Variants in TTLL4 observed in about 807,000 individuals in gnomAD.
TTLL4 encodes the protein tubulin monoglutamylase TTLL4.
A neutral mutation model predicts 122.7 loss-of-function variants in TTLL4; 85 were observed. That is an observed-to-expected ratio of 0.69 (90% CI 0.58 to 0.83). The LOEUF (loss-of-function observed/expected upper bound fraction) is 0.83, where lower values mean the gene tolerates loss of function less well. Among genes scored for constraint, TTLL4 ranks in the 40% least tolerant of loss-of-function variants. The pLI, the probability that TTLL4 is intolerant of heterozygous loss-of-function variation, is 0.00. For synonymous variants in TTLL4, 553 were observed against 563.0 expected (o/e 0.98, Z 0.25); for missense variants, 1,363 against 1,488.6 (o/e 0.92, Z 1.39).
rs1206623206 is a variant in TTLL4 at position 218,747,029 on chromosome 2, G to C, written c.2001G>C (p.Gln667His). The C allele has an allele frequency of 3.1e-6, 5 of 1,614,212 alleles. No individual in the cohort carries two copies. In the East Asian group the frequency reaches 8.9e-5, roughly 29 times the overall value. The stretch of plus-strand genomic sequence containing the variant: ...TAAACCATTTCCCAGGCTCATTCCA[G>C]ATTGGGAGGAAGGACCGGCTATGGC... ...QKLNHFPGSF[Q>H]IGRKDRLWRN... The change falls in exon 9 of 20, where the codon CAG becomes CAC. Residue 667 changes from glutamine (Q) to histidine (H), a missense_variant. Transcript: ENST00000392102. This position sits in a 1 kb window ranked among gnomAD's most constrained non-coding sequence, Gnocchi z 4.7.
At chr2:218,729,338 G>C (rs1257523938) in intron 2 of TTLL4, among the ~76,000 whole-genome samples, 1 of 151,912 alleles carries the variant, frequency 6.6e-6, no homozygotes, top group Admixed American at 6.6e-5. Context: ...GGATGCTGCA[G>C]ATGTGGAAGT....
intron 15 of TTLL4, 108 bp from the exon 16 acceptor site, chr2:218,751,596 T>G: frequency 2.8e-6 from 4 of 1,422,078 alleles, no homozygotes; most frequent in Non-Finnish European, 2.8e-6. Flanking sequence ...TCATACATCT[T>G]TGTCTTCTCT....
In TTLL4 at chr2:218,728,950, G is replaced by A. The variant is rs530001263; in HGVS notation, c.-99+1603G>A. On this transcript the variant is annotated intron_variant, in intron 2 of 19. Transcript: ENST00000392102. ...TTTTTTTTTTTTTTTTTGGCGGGGGGGGGCATAGTTTTGTTCTTGTTGCCC... is the reference window on the plus strand; with the variant it reads ...TTTTTTTTTTTTTTTTTGGCGGGGGAGGGCATAGTTTTGTTCTTGTTGCCC... Among the ~76,000 whole-genome samples, 5 of 148,880 alleles carry A rather than the reference G, an allele frequency of 3.4e-5. No individual in the cohort carries two copies. In the East Asian group the frequency reaches 5.9e-4, roughly 18 times the overall value.
chr2:218,739,265 T>A lies in TTLL4; in HGVS notation c.1487+102T>A, dbSNP rs189024439. Reference sequence around the variant, plus strand: ...ACCTCTGAAGGTTGGTTTTATTTTTTAGCTGCCCTAGAATTTTTGGTTTTC... The same window carrying A: ...ACCTCTGAAGGTTGGTTTTATTTTTAAGCTGCCCTAGAATTTTTGGTTTTC... On this transcript the variant is annotated intron_variant, in intron 3 of 19. Coordinates refer to ENST00000392102, the MANE Select transcript of TTLL4 (RefSeq NM_014640.5). 66 of 1,401,456 alleles carry A rather than the reference T, an allele frequency of 4.7e-5. No homozygotes were observed. In the African/African-American group the frequency reaches 8.0e-4, roughly 17 times the overall value. 86.8% of individuals were successfully genotyped at this position (1,401,456 alleles called of 1,614,324 possible). A position where few individuals can be genotyped will look rare whatever the true frequency, so the allele number is the denominator to read the frequency against.
chr2:218,752,758 C>A lies in TTLL4; in HGVS notation c.2977-5C>A. ...CCCTTTTTCTCCCTGTTCCTTGGACCACAGGACTTCTATGCATCTGTGCTG... is the reference window on the plus strand; with the variant it reads ...CCCTTTTTCTCCCTGTTCCTTGGACAACAGGACTTCTATGCATCTGTGCTG... On this transcript the variant is annotated splice_polypyrimidine_tract_variant and splice_region_variant and intron_variant, in intron 16 of 19. Coordinates refer to ENST00000392102, the MANE Select transcript of TTLL4 (RefSeq NM_014640.5). 6.2e-7 allele frequency: 1 copy of A among 1,614,108 alleles called. No individual in the cohort carries two copies. The highest frequency in any genetic ancestry group is 8.5e-7 in the Non-Finnish European group (1 of 1,179,986).
In TTLL4 at chr2:218,745,797, CA is replaced by C; in HGVS notation, c.1897del (p.Arg633GlufsTer13). 4 of 1,612,514 alleles carry C rather than the reference CA, an allele frequency of 2.5e-6. No individual in the cohort carries two copies. The highest frequency in any genetic ancestry group is 3.4e-6 in the Non-Finnish European group (4 of 1,179,206). Reference sequence around the variant, plus strand: ...TTGGACGGTCCCACTTCAAAATCAGCAAAAGTGAGTTGCTTGCCTTACTGTG... The same window carrying C: ...TTGGACGGTCCCACTTCAAAATCAGCAAAGTGAGTTGCTTGCCTTACTGTG... ...TIGRSHFKIS[K>X]RNDDWLGCWG... On this transcript the variant is annotated frameshift_variant, in exon 7 of 20. Coordinates refer to ENST00000392102, the MANE Select transcript of TTLL4 (RefSeq NM_014640.5). LOFTEE classifies it high-confidence loss of function.
intron 1 of TTLL4, among the ~76,000 whole-genome samples, chr2:218,711,853 T>G (rs1941715930): frequency 1.1e-5 from 1 of 91,546 alleles, no homozygotes; most frequent in Admixed American, 1.2e-4. Flanking sequence ...AAATCTTCTT[T>G]GCTTTCTCAG....
At chr2:218,712,092 G>A (rs1382936757) in intron 1 of TTLL4, among the ~76,000 whole-genome samples, 3 of 152,194 alleles carry the variant, frequency 2.0e-5, no homozygotes, top group South Asian at 4.1e-4. Flanking sequence ...GAGGTGGGAG[G>A]ACATTCCAGA....
At position 218,745,771 on chromosome 2, in the gene TTLL4, A is replaced by G. The variant is rs1382818671; in HGVS notation, c.1867A>G (p.Ile623Val). The change falls in exon 7 of 20, where the codon ATT becomes GTT. Residue 623 changes from isoleucine to valine, a missense_variant. Around this residue, in one of 3 missense-constraint regions of TTLL4, gnomAD observed 760 missense variants for 808.4 expected, o/e 0.94. Transcript: ENST00000392102. The part of the protein sequence containing the change: ...TVTPNIVKQT[I>V]GRSHFKISKR... ...GACCCCCAACATTGTCAAGCAGACC[A>G]TTGGACGGTCCCACTTCAAAATCAG... 1 of 1,613,452 alleles carries G rather than the reference A, an allele frequency of 6.2e-7. No homozygotes were observed. The highest frequency in any genetic ancestry group is 1.3e-5 in the African/African-American group (1 of 74,876).
intron 4 of TTLL4, 151 bp from the exon 5 acceptor site, chr2:218,740,370 G>T: frequency 1.1e-6 from 1 of 933,346 alleles, no homozygotes; most frequent in Admixed American, 2.2e-5. Flanking sequence ...CGCTGCTTCT[G>T]TTGAGGAAGG....
At chr2:218,720,559 G>T (rs1398577657) in intron 1 of TTLL4, among the ~76,000 whole-genome samples, 1 of 151,730 alleles carries the variant, frequency 6.6e-6, no homozygotes, top group African/African-American at 2.4e-5. Context: ...CTGTAATCCC[G>T]GCTATTCGGG....
intron 1 of TTLL4, among the ~76,000 whole-genome samples, chr2:218,726,249 C>T (rs549409396): frequency 1.4e-4 from 21 of 152,002 alleles, no homozygotes; most frequent in African/African-American, 3.6e-4. Flanking sequence ...GGATAATTTC[C>T]GAGGAGAATT....
chr2:218,741,558 T>G (rs1393990745), intron 5 of TTLL4, among the ~76,000 whole-genome samples: 1 of 152,130 alleles, frequency 6.6e-6, no homozygotes, highest in Non-Finnish European at 1.5e-5. Flanking sequence ...ACAGAGCTGT[T>G]TGGAAAGTGG....
Position 218,750,127 on chromosome 2 carries a change from T to G in TTLL4, c.2854T>G (p.Cys952Gly), listed in dbSNP as rs201356218. Residue 952 changes from cysteine to glycine, a missense_variant, in exon 15 of 20, where the codon TGC becomes GGC. Cys to Gly is a radical substitution (Grantham distance 159). Around this residue, in one of 3 missense-constraint regions of TTLL4, gnomAD observed 596 missense variants for 655.8 expected, o/e 0.91. Transcript: ENST00000392102. ...AEDIISSPSS[C>G]SSSTTSLPTS... is the part of the protein sequence containing the mutation. Reference sequence around the variant, plus strand: ...GGATATCATTTCCAGCCCCAGCAGCTGCAGCAGCTCCACCACCAGGTGAGG... The same window carrying G: ...GGATATCATTTCCAGCCCCAGCAGCGGCAGCAGCTCCACCACCAGGTGAGG... 3 of 1,613,816 alleles carry G rather than the reference T, an allele frequency of 1.9e-6. No individual in the cohort carries two copies. The highest frequency in any genetic ancestry group is 1.7e-6 in the Non-Finnish European group (2 of 1,179,886).
intron 12 of TTLL4, 165 bp downstream of exon 12, chr2:218,748,392 C>T (rs747371140): frequency 6.1e-6 from 7 of 1,142,226 alleles, no homozygotes; most frequent in Non-Finnish European, 7.1e-6. Context: ...TGGTGGCTCA[C>T]GCCTGTAATC....
chr2:218,747,725 A>G lies in TTLL4; in HGVS notation c.2378A>G (p.Lys793Arg). The G allele has an allele frequency of 2.5e-6, 4 of 1,614,234 alleles. No homozygotes were observed. Among genetic ancestry groups the G allele is most frequent in the Admixed American group, 1.7e-5 (1 of 60,032 alleles). Residue 793 changes from lysine (K) to arginine (R), a missense_variant and splice_region_variant, in exon 11 of 20, where the codon AAG becomes AGG. Coordinates refer to ENST00000392102, the MANE Select transcript of TTLL4 (RefSeq NM_014640.5). This position sits in a 1 kb window ranked among gnomAD's most constrained non-coding sequence, Gnocchi z 4.7. Reference protein sequence around the residue: ...SDGLVRFASCKYSPSMKSLGN... With the variant: ...SDGLVRFASCRYSPSMKSLGN... ...GGACTGGTCCGCTTTGCCAGTTGCA[A>G]GTATGTGACAGTGGTGAGGTATCCT...
intron 1 of TTLL4, among the ~76,000 whole-genome samples, chr2:218,721,088 A>G (rs1237049111): frequency 6.6e-6 from 1 of 152,208 alleles, no homozygotes. Context: ...TGCCCTATGC[A>G]TCATGTATCT....
intron 1 of TTLL4, among the ~76,000 whole-genome samples, chr2:218,726,752 C>T (rs1254547654): frequency 6.6e-6 from 1 of 151,976 alleles, no homozygotes; most frequent in African/African-American, 2.4e-5. Flanking sequence ...TAGGCGTGAG[C>T]CACCACGCCT....
At position 218,754,365 on chromosome 2, in the gene TTLL4, C is replaced by T; in HGVS notation, c.3576C>T (p.Asp1192=). The T allele has an allele frequency of 3.7e-6, 6 of 1,614,198 alleles. No homozygotes were observed. The highest frequency in any genetic ancestry group is 4.2e-6 in the Non-Finnish European group (5 of 1,180,044). The part of the protein sequence containing the change: ...SASSTFQSIS[D]SLLAVSP ...CCTCCACTTTCCAGTCAATCAGTGA[C>T]TCCCTCCTGGCTGTGAGCCCATAAC... Residue 1192 remains aspartate (D), a synonymous_variant, in exon 20 of 20, where the codon GAC becomes GAT. Coordinates refer to ENST00000392102, the MANE Select transcript of TTLL4 (RefSeq NM_014640.5).
Sources: allele counts gnomAD v4.1 joint callset (sites outside exome capture counted in the v4.1 genomes callset), GRCh38; gene constraint gnomAD v4.1.1; regional missense constraint gnomAD v4.1.1; non-coding constraint Gnocchi (gnomAD v3.1); transcripts MANE v1.5; gene names NCBI Gene and HGNC (gene_info 2026-07-23, HGNC 2026-07-21).